The following HPS1 variants were observed in gnomAD, a reference collection of about 807,000 sequenced individuals.
HPS1 encodes the protein HPS1 biogenesis of lysosomal organelles complex 3 subunit 1, also known as BLOC-3 complex member HPS1.
In HPS1, 59 loss-of-function variants were observed where a neutral mutation model predicts 90.6. That is an observed-to-expected ratio of 0.65 (90% CI 0.53 to 0.81). The LOEUF is 0.81. Ranked by LOEUF, HPS1 falls within the 30% of genes least tolerant of loss-of-function variation. The probability of loss-of-function intolerance (pLI) is 0.00; values close to 1 mark genes in which losing one functional copy is unlikely to be tolerated. For synonymous variants in HPS1, 388 were observed against 384.4 expected, an observed-to-expected ratio of 1.01 and a Z score of -0.11; for missense variants, 849 against 896.7, an observed-to-expected ratio of 0.95 and a Z score of 0.68.
chr10:98,432,135 A>C (rs1415938727), intron 6 of HPS1, among the ~76,000 whole-genome samples: 1 of 152,266 alleles, frequency 6.6e-6, no homozygotes, highest in Admixed American at 6.5e-5. Context: ...CAAGAGAGGC[A>C]TAAGATGAAG....
At chr10:98,446,588 T>C (rs35196257) in intron 1 of HPS1, among the ~76,000 whole-genome samples, 4,921 of 152,262 alleles carry the variant, frequency 0.032, 116 homozygotes, top group Non-Finnish European at 0.044. Context: ...CCCGTTTGCC[T>C]AGCACGCCAG....
chr10:98,431,070 C>A (rs1043073164), intron 7 of HPS1, 61 bp downstream of exon 7: 24 of 1,560,388 alleles, frequency 1.5e-5, no homozygotes, highest in Non-Finnish European at 2.1e-5. Flanking sequence ...CAGGCAGAGG[C>A]CATAGGGGAG....
chr10:98,438,266 G>A (rs1389230422), intron 3 of HPS1, among the ~76,000 whole-genome samples: 1 of 152,190 alleles, frequency 6.6e-6, no homozygotes, highest in Non-Finnish European at 1.5e-5. Context: ...TGGGTAACAG[G>A]CAGAGGTTGG....
intron 3 of HPS1, among the ~76,000 whole-genome samples, chr10:98,439,276 G>C (rs35043906): frequency 0.029 from 4,395 of 152,262 alleles, 105 homozygotes; most frequent in Non-Finnish European, 0.043. Context: ...CTAGCCCCCA[G>C]AATGGTAGAT....
chr10:98,415,898 G>T (rs1449620603), downstream of HPS1, among the ~76,000 whole-genome samples: 1 of 152,200 alleles, frequency 6.6e-6, no homozygotes, highest in Non-Finnish European at 1.5e-5. Context: ...CCAAGGATTC[G>T]AGGTCACATC....
At position 98,443,286 on chromosome 10, in the gene HPS1, C is replaced by T. The variant is rs200314507; in HGVS notation, c.1-46G>A. 1.1e-3 allele frequency: 1,497 copies of T among 1,403,758 alleles called. 3 individuals carry two copies. Among genetic ancestry groups the T allele is most frequent in the Non-Finnish European group, 1.2e-3 (1,142 of 988,526 alleles). The allele number at this position is 1,403,758 out of a possible 1,614,324, so 87.0% of individuals were successfully genotyped here. On this transcript the variant is annotated intron_variant, in intron 2 of 19. Transcript: ENST00000361490. ...CAAGGTCAGCCTCCAGCCCCAACAT[C>T]TATGAGCTCAGTCTGAGTAACGAAG...
chr10:98,433,910 A>C, intron 6 of HPS1, 73 bp downstream of exon 6: 1 of 1,540,336 alleles, frequency 6.5e-7, no homozygotes, highest in Non-Finnish European at 8.8e-7. Flanking sequence ...GGGTTAAAAC[A>C]TGGTCTTAAA....
At chr10:98,440,115 G>A (rs150106550) in intron 3 of HPS1, among the ~76,000 whole-genome samples, 2 of 152,240 alleles carry the variant, frequency 1.3e-5, no homozygotes, top group African/African-American at 4.8e-5. Context: ...CCTTTACAGA[G>A]TACCCAGTCT....
intron 17 of HPS1, among the ~76,000 whole-genome samples, chr10:98,421,660 G>A (rs1844862207): frequency 6.6e-6 from 1 of 152,188 alleles, no homozygotes; most frequent in Admixed American, 6.5e-5. Context: ...GATGAAGATG[G>A]TGATGATGAT....
chr10:98,414,184 T>C (rs1843887536), downstream of HPS1: 2 of 152,130 alleles, frequency 1.3e-5, no homozygotes, highest in Admixed American at 6.5e-5. Flanking sequence ...ACTGCTCTAG[T>C]ACATATGAAA....
Position 98,435,157 on chromosome 10 carries a change from AC to A in HPS1, c.398+114del, listed in dbSNP as rs1847123592. On this transcript the variant is annotated intron_variant, in intron 5 of 19. Transcript: ENST00000361490. The surrounding 1 kb of genome is among the most constrained non-coding windows in gnomAD (Gnocchi z 4.3). The stretch of plus-strand genomic sequence containing the variant: ...CTTGAGCTGTTTCTCTGACCTAGGG[AC>A]CCAGCTGGGGGCAGTATGTGAAAAA... 2 of 1,271,306 alleles carry A rather than the reference AC, an allele frequency of 1.6e-6. No individual in the cohort carries two copies. Among genetic ancestry groups the A allele is most frequent in the Non-Finnish European group, 2.3e-6 (2 of 876,372 alleles). The allele number at this position is 1,271,306 out of a possible 1,614,324, so 78.8% of individuals were successfully genotyped here.
At chr10:98,418,535 C>G (rs1456922722) in intron 18 of HPS1, among the ~76,000 whole-genome samples, 1 of 152,164 alleles carries the variant, frequency 6.6e-6, no homozygotes. Flanking sequence ...AGGAGGGCAC[C>G]CTGCAGGGCT....
chr10:98,427,762 C>T (rs1324339344), intron 10 of HPS1, among the ~76,000 whole-genome samples: 2 of 152,200 alleles, frequency 1.3e-5, no homozygotes, highest in Non-Finnish European at 2.9e-5. Flanking sequence ...TAATATAACG[C>T]ACAAAAACCT....
intron 3 of HPS1, among the ~76,000 whole-genome samples, chr10:98,441,945 CCTACATGACCTAGCCAGT>C (rs1938502247): frequency 6.6e-6 from 1 of 152,212 alleles, no homozygotes; most frequent in Non-Finnish European, 1.5e-5. Flanking sequence ...TACACATACA[CCTACATGACCTAGCCAGT>C]CTATCCTAAG....
intron 3 of HPS1, among the ~76,000 whole-genome samples, chr10:98,439,200 C>T (rs1247661761): frequency 6.6e-6 from 1 of 152,226 alleles, no homozygotes; most frequent in Non-Finnish European, 1.5e-5. Context: ...TGGGGTCAGA[C>T]ACCTCCACAC....
chr10:98,424,254 C>T (rs1845291128), intron 14 of HPS1, 59 bp downstream of exon 14: 3 of 1,289,284 alleles, frequency 2.3e-6, no homozygotes, highest in Non-Finnish European at 3.4e-6. Flanking sequence ...GATGTGGCCT[C>T]CCAGGGAACA....
chr10:98,423,723 TGGCCACCCA>T, intron 15 of HPS1, 21 bp downstream of exon 15: 2 of 1,614,066 alleles, frequency 1.2e-6, no homozygotes, highest in Non-Finnish European at 1.7e-6. Flanking sequence ...GACCCTGCCC[TGGCCACCCA>T]GGGGGCCGCA....
At chr10:98,418,686 T>C (rs553976070) in intron 18 of HPS1, among the ~76,000 whole-genome samples, 1 of 152,356 alleles carries the variant, frequency 6.6e-6, no homozygotes, top group East Asian at 1.9e-4. Context: ...GGCATGAACA[T>C]GGCACTTAGC....
intron 3 of HPS1, among the ~76,000 whole-genome samples, chr10:98,438,851 C>A (rs78497050): frequency 0.044 from 6,640 of 152,276 alleles, 208 homozygotes; most frequent in Non-Finnish European, 0.068. Flanking sequence ...GGCCCTCTCG[C>A]CACAGGCCTG....
Sources: allele counts gnomAD v4.1 joint callset (sites outside exome capture counted in the v4.1 genomes callset), GRCh38; gene constraint gnomAD v4.1.1; non-coding constraint Gnocchi (gnomAD v3.1); transcripts MANE v1.5; gene names NCBI Gene and HGNC (gene_info 2026-07-23, HGNC 2026-07-21).